JARID2: variants seen among roughly 807,000 people sequenced by gnomAD.
JARID2 encodes protein Jumonji.
A neutral mutation model predicts 125.6 loss-of-function variants in JARID2; 21 were observed. The ratio of observed to expected loss-of-function variants is 0.17; its 90% confidence interval spans 0.12 to 0.24. The LOEUF (loss-of-function observed/expected upper bound fraction) is 0.24, where lower values mean the gene tolerates loss of function less well. JARID2 is among the 10% of genes least tolerant of loss of function. JARID2 has a pLI of 1.00. For missense variants in JARID2, 1,303 were observed against 1,639.6 expected, an observed-to-expected ratio of 0.79 and a Z score of 3.55; for synonymous variants, 736 against 661.6, an observed-to-expected ratio of 1.11 and a Z score of -1.73.
At chr6:15,390,475 G>A (rs758369634) in intron 2 of JARID2, among the ~76,000 whole-genome samples, 2 of 152,160 alleles carry the variant, frequency 1.3e-5, no homozygotes, top group Admixed American at 6.5e-5. Context: ...CTTTATGGAC[G>A]AATTCCAAGG....
intron 4 of JARID2, among the ~76,000 whole-genome samples, chr6:15,463,961 TAATC>T (rs1420030874): frequency 1.3e-5 from 2 of 152,260 alleles, no homozygotes; most frequent in South Asian, 2.1e-4. Context: ...CTAAATGAGA[TAATC>T]AAGCTGGTAT....
chr6:15,426,437 C>G (rs1382283749), intron 3 of JARID2, among the ~76,000 whole-genome samples: 1 of 152,154 alleles, frequency 6.6e-6, no homozygotes, highest in African/African-American at 2.4e-5. Context: ...GCAGGCTGCA[C>G]ATTGGACAGG....
chr6:15,375,280 A>G (rs771895278), intron 2 of JARID2, among the ~76,000 whole-genome samples: 5 of 152,090 alleles, frequency 3.3e-5, no homozygotes, highest in African/African-American at 4.8e-5. Flanking sequence ...TCTGAACTTC[A>G]CCATTCACCC....
Position 15,437,158 on chromosome 6 carries a change from C to T in JARID2, c.324-14848C>T, listed in dbSNP as rs182052658. 7.9e-5 allele frequency among the ~76,000 whole-genome samples: 12 copies of T among 152,214 alleles called. No homozygotes were observed. In the East Asian group the frequency reaches 2.1e-3, roughly 27 times the overall value. On this transcript the variant is annotated intron_variant, in intron 3 of 17. Transcript: ENST00000341776. Reference sequence around the variant, plus strand: ...TTGGTGAATGATTGAGTTCCCAAGCCAATTTCTGTCCCAGAGGGAGGTTGT... The same window carrying T: ...TTGGTGAATGATTGAGTTCCCAAGCTAATTTCTGTCCCAGAGGGAGGTTGT...
chr6:15,374,463 A>G (rs537604981), intron 2 of JARID2, among the ~76,000 whole-genome samples: 1 of 152,352 alleles, frequency 6.6e-6, no homozygotes, highest in Non-Finnish European at 1.5e-5. Context: ...ATAGTGGACA[A>G]AATACATTAG....
At chr6:15,331,467 C>G (rs560774246) in intron 1 of JARID2, among the ~76,000 whole-genome samples, 57 of 152,174 alleles carry the variant, frequency 3.7e-4, no homozygotes, top group African/African-American at 1.3e-3. Flanking sequence ...AAGAAATACC[C>G]CAGACTGAAT....
intron 1 of JARID2, among the ~76,000 whole-genome samples, chr6:15,336,389 T>C (rs746522418): frequency 1.4e-4 from 22 of 152,386 alleles, no homozygotes; most frequent in Middle Eastern, 3.4e-3. Context: ...TTTCATGTTT[T>C]GGAATGAACT....
chr6:15,519,208 G>A (rs1359563356), intron 17 of JARID2, among the ~76,000 whole-genome samples: 4 of 152,228 alleles, frequency 2.6e-5, no homozygotes, highest in South Asian at 2.1e-4. Context: ...AGCAGTAGCC[G>A]CCTAAATGGG....
Position 15,475,378 on chromosome 6 carries a change from C to T in JARID2, c.670+6660C>T, listed in dbSNP as rs6939273. ...GCAATTTTCTGAACCTGAAGAAGGC[C>T]TCTTCTGAACTGCAGACAGAGGAAA... On this transcript the variant is annotated intron_variant, in intron 5 of 17. Transcript: ENST00000341776. 2.0e-5 allele frequency among the ~76,000 whole-genome samples: 3 copies of T among 152,302 alleles called. No individual in the cohort carries two copies. In the East Asian group the frequency reaches 5.8e-4, roughly 29 times the overall value.
chr6:15,277,049 A>AACT (rs1180586862), intron 1 of JARID2, among the ~76,000 whole-genome samples: 1 of 152,194 alleles, frequency 6.6e-6, no homozygotes, highest in African/African-American at 2.4e-5. Context: ...GTTCTTAGTA[A>AACT]AAGTGCTTTG....
intron 1 of JARID2, chr6:15,248,770 TGGAA>T (rs1759307378): frequency 4.0e-6 from 1 of 251,544 alleles, no homozygotes; most frequent in Admixed American, 6.5e-5. Flanking sequence ...CGGGCTCGGG[TGGAA>T]CCTTCCCCTC....
intron 1 of JARID2, among the ~76,000 whole-genome samples, chr6:15,324,192 A>G (rs1212955741): frequency 6.6e-6 from 1 of 151,640 alleles, no homozygotes; most frequent in Non-Finnish European, 1.5e-5. Context: ...AGAAAAAAAA[A>G]AACTGGAAAA....
intron 8 of JARID2, among the ~76,000 whole-genome samples, chr6:15,503,410 C>G (rs1285269493): frequency 6.6e-6 from 1 of 152,218 alleles, no homozygotes; most frequent in Admixed American, 6.5e-5. Context: ...GCCAATGTCT[C>G]CATGCCGACT....
At chr6:15,382,324 A>C (rs972655526) in intron 2 of JARID2, among the ~76,000 whole-genome samples, 6 of 152,232 alleles carry the variant, frequency 3.9e-5, no homozygotes, top group African/African-American at 1.2e-4. Context: ...GCAGGGAGGC[A>C]GATGATGTCA....
At chr6:15,427,062 A>G (rs2127594868) in intron 3 of JARID2, among the ~76,000 whole-genome samples, 1 of 152,176 alleles carries the variant, frequency 6.6e-6, no homozygotes, top group Non-Finnish European at 1.5e-5. Context: ...ATCTTCCTGA[A>G]ATTGTGTTTT....
intron 1 of JARID2, among the ~76,000 whole-genome samples, chr6:15,335,909 C>T (rs1276059902): frequency 6.6e-6 from 1 of 151,928 alleles, no homozygotes; most frequent in Admixed American, 6.6e-5. Context: ...TGGGCAAAAC[C>T]CCATCTCTAT....
chr6:15,422,395 C>CAG (rs1766535631), intron 3 of JARID2, among the ~76,000 whole-genome samples: 3 of 152,328 alleles, frequency 2.0e-5, no homozygotes, highest in Admixed American at 2.0e-4. Context: ...ACGCACTGTG[C>CAG]CTTCACCTTG....
chr6:15,324,242 G>A (rs1476970791), intron 1 of JARID2: 2 of 151,646 alleles, frequency 1.3e-5, no homozygotes, highest in African/African-American at 2.4e-5. Context: ...TGAAGCCCAA[G>A]GTATTATCAT....
At chr6:15,424,202 A>C (rs1461501578) in intron 3 of JARID2, among the ~76,000 whole-genome samples, 1 of 151,266 alleles carries the variant, frequency 6.6e-6, no homozygotes. Context: ...TCCCAGCCTC[A>C]AGTGATCCTC....
Sources: gnomAD v4.1 joint callset for allele counts (sites outside exome capture counted in the v4.1 genomes callset) on GRCh38, gnomAD v4.1.1 for gene constraint, MANE v1.5 for transcripts, NCBI Gene and HGNC (gene_info 2026-07-23, HGNC 2026-07-21) for gene names.